The following ATXN7 variants were observed in gnomAD, a reference collection of about 807,000 sequenced individuals.
ATXN7 encodes ataxin 7.
A neutral mutation model predicts 70.5 loss-of-function variants in ATXN7; 12 were observed. The ratio of observed to expected loss-of-function variants is 0.17; its 90% CI spans 0.11 to 0.28. The LOEUF (loss-of-function observed/expected upper bound fraction) is 0.28, where lower values mean the gene tolerates loss of function less well. Ranked by LOEUF, ATXN7 falls within the 10% of genes least tolerant of loss-of-function variation. The pLI, the probability that ATXN7 is intolerant of heterozygous loss-of-function variation, is 1.00. For synonymous variants in ATXN7, 498 were observed against 448.7 expected (o/e 1.11, Z -1.39); for missense variants, 1,256 against 1,131.7 (o/e 1.11, Z -1.58).
chr3:63,968,076 G>C, intron 5 of ATXN7: 1 of 924,692 alleles, frequency 1.1e-6, no homozygotes, highest in Non-Finnish European at 1.6e-6. Context: ...ACCTTACATA[G>C]AACCAAGCAG....
chr3:63,985,263 C>G (rs1232680560), intron 8 of ATXN7, among the ~76,000 whole-genome samples: 1 of 152,026 alleles, frequency 6.6e-6, no homozygotes, highest in Non-Finnish European at 1.5e-5. Context: ...CTGCATTTTT[C>G]TCACATCTTC....
At chr3:63,956,662 C>G (rs1429039072) in intron 5 of ATXN7, among the ~76,000 whole-genome samples, 1 of 152,020 alleles carries the variant, frequency 6.6e-6, no homozygotes, top group Non-Finnish European at 1.5e-5. Context: ...CACTGGCTGG[C>G]TGGAATGCAT....
intron 1 of ATXN7, among the ~76,000 whole-genome samples, chr3:63,885,861 C>CA (rs1314099474): frequency 2.0e-5 from 3 of 151,928 alleles, no homozygotes; most frequent in Non-Finnish European, 2.9e-5. Flanking sequence ...ACTAAAAATA[C>CA]AAAAAATTAG....
At chr3:63,990,123 G>A in intron 9 of ATXN7, 53 bp from the exon 10 acceptor site, 1 of 1,561,818 alleles carries the variant, frequency 6.4e-7, no homozygotes, top group African/African-American at 1.4e-5. Flanking sequence ...CAGTTAAGGT[G>A]GCTGATTCCC....
intron 1 of ATXN7, among the ~76,000 whole-genome samples, chr3:63,891,943 C>T (rs1276126227): frequency 1.3e-5 from 2 of 152,160 alleles, no homozygotes; most frequent in African/African-American, 2.4e-5. Context: ...CTAGCCACTG[C>T]CCTTACTGTC....
chr3:63,958,742 G>T (rs1413926914), intron 5 of ATXN7, among the ~76,000 whole-genome samples: 2 of 152,120 alleles, frequency 1.3e-5, no homozygotes, highest in East Asian at 3.8e-4. Flanking sequence ...GATTTACAGA[G>T]AATTTTTGCA....
rs2075514814 is a variant in ATXN7 at position 63,982,975 on chromosome 3, T to C, written c.1049T>C (p.Ile350Thr). The change falls in exon 8 of 13, where the codon ATT (isoleucine) becomes ACT (threonine). Residue 350 changes from isoleucine to threonine, a missense_variant. By Grantham distance (89) the Ile-to-Thr change is moderately conservative. Transcript: ENST00000674280. Reference protein sequence around the residue: ...EFDPDIHCGVIDLDTKKPCTR... With the variant: ...EFDPDIHCGVTDLDTKKPCTR... ...GATCCTGACATCCACTGTGGGGTTATTGATCTCGACACCAAGAAGCCCTGC... is the reference window on the plus strand; with the variant it reads ...GATCCTGACATCCACTGTGGGGTTACTGATCTCGACACCAAGAAGCCCTGC... 12 of 1,614,010 alleles carry C rather than the reference T, an allele frequency of 7.4e-6. No homozygotes were observed. Among genetic ancestry groups the C allele is most frequent in the Non-Finnish European group, 1.0e-5 (12 of 1,180,024 alleles).
intron 3 of ATXN7, 21 bp from the exon 4 acceptor site, chr3:63,913,136 C>T: frequency 6.2e-7 from 1 of 1,611,644 alleles, no homozygotes; most frequent in Non-Finnish European, 8.5e-7. Flanking sequence ...TCCCCTCCTC[C>T]TGTGTGTGTA....
intron 12 of ATXN7, among the ~76,000 whole-genome samples, chr3:63,997,114 T>C (rs1576008131): frequency 6.6e-6 from 1 of 152,146 alleles, no homozygotes; most frequent in African/African-American, 2.4e-5. Flanking sequence ...GAAAATTAGC[T>C]GGGTGTGGTG....
Position 63,912,918 on chromosome 3 carries a change from A to G in ATXN7, c.320A>G (p.Lys107Arg). The change falls in exon 3 of 13, where the codon AAG (lysine) becomes AGG (arginine). Residue 107 changes from lysine to arginine, a missense_variant. Physicochemically the swap from Lys to Arg is conservative, Grantham distance 26 (BLOSUM62 2). Coordinates refer to ENST00000674280, the MANE Select transcript of ATXN7 (RefSeq NM_001377405.1). ...LWVEASKLPG[K>R]DGTELDESFK... is the part of the protein sequence containing the mutation. ...GTTGAGGCTTCCAAACTTCCTGGGA[A>G]GGACGGTGAGTGTCCACGCCCTCCT... is the stretch of plus-strand genomic sequence containing the variant. 6.2e-7 allele frequency: 1 copy of G among 1,602,018 alleles called. No individual in the cohort carries two copies. The highest frequency in any genetic ancestry group is 8.5e-7 in the Non-Finnish European group (1 of 1,172,670).
intron 2 of ATXN7, among the ~76,000 whole-genome samples, chr3:63,907,613 C>T (rs1703884381): frequency 6.6e-6 from 1 of 150,942 alleles, no homozygotes. Flanking sequence ...CACATGCCTG[C>T]ATGCCTGGCT....
intron 1 of ATXN7, among the ~76,000 whole-genome samples, chr3:63,873,444 T>C (rs1230010611): frequency 6.6e-6 from 1 of 152,148 alleles, no homozygotes; most frequent in Non-Finnish European, 1.5e-5. Context: ...CACTTTCTAC[T>C]GAGAGTATAT....
intron 4 of ATXN7, among the ~76,000 whole-genome samples, chr3:63,937,396 T>G (rs1203899831): frequency 6.6e-6 from 1 of 152,224 alleles, no homozygotes; most frequent in Non-Finnish European, 1.5e-5. Context: ...TTGAATGGTT[T>G]ATGCCTCAAA....
At chr3:63,906,844 G>T (rs966952444) in intron 2 of ATXN7, among the ~76,000 whole-genome samples, 3 of 152,212 alleles carry the variant, frequency 2.0e-5, no homozygotes, top group African/African-American at 7.2e-5. Context: ...TAGACTACCT[G>T]CAGGAGGCAA....
intron 1 of ATXN7, among the ~76,000 whole-genome samples, chr3:63,876,849 T>C (rs1702760184): frequency 6.6e-6 from 1 of 152,210 alleles, no homozygotes; most frequent in Non-Finnish European, 1.5e-5. Flanking sequence ...CTCTTAGCCA[T>C]ATAACTGCAT....
chr3:63,979,903 T>G lies in ATXN7; in HGVS notation c.500-12T>G. The G allele has an allele frequency of 6.2e-7, 1 of 1,612,138 alleles. No homozygotes were observed. The highest frequency in any genetic ancestry group is 8.5e-7 in the Non-Finnish European group (1 of 1,178,776). On this transcript the variant is annotated splice_polypyrimidine_tract_variant and intron_variant, in intron 5 of 12. Transcript: ENST00000674280. ...AAACATGATGTCTTTTTTTCTTTGC[T>G]TTCGTTTTCAGAAAGAAGACATAGC...
At chr3:63,885,835 G>A (rs1703069991) in intron 1 of ATXN7, among the ~76,000 whole-genome samples, 2 of 152,090 alleles carry the variant, frequency 1.3e-5, no homozygotes, top group Admixed American at 1.3e-4. Context: ...GGCCAACATG[G>A]TGCAACCCCA....
rs1050382750 is a variant in ATXN7, at chr3:63,995,537, C to T, written c.1715C>T (p.Pro572Leu). The part of the protein sequence containing the change: ...KIPPVPSTTS[P>L]ISTRIPHRTN... The stretch of plus-strand genomic sequence containing the variant: ...CCACCAGTGCCCAGTACCACCTCAC[C>T]CATCTCCACACGTATTCCTCACCGG... The change falls in exon 12 of 13, where the codon CCC (proline) becomes CTC (leucine). Residue 572 changes from proline (P) to leucine (L), a missense_variant. By Grantham distance (98) the Pro-to-Leu change is moderately conservative. Transcript: ENST00000674280. The T allele has an allele frequency of 5.6e-6, 9 of 1,614,130 alleles. No homozygotes were observed. The highest frequency in any genetic ancestry group is 7.6e-6 in the Non-Finnish European group (9 of 1,180,036).
At chr3:63,918,461 A>G (rs1422581194) in intron 4 of ATXN7, among the ~76,000 whole-genome samples, 3 of 152,198 alleles carry the variant, frequency 2.0e-5, no homozygotes, top group Admixed American at 6.5e-5. Flanking sequence ...TGAAACATAC[A>G]AAGTAGAGAA....
Sources: gnomAD v4.1 joint callset for allele counts (sites outside exome capture counted in the v4.1 genomes callset) on GRCh38, gnomAD v4.1.1 for gene constraint, MANE v1.5 for transcripts, NCBI Gene and HGNC (gene_info 2026-07-23, HGNC 2026-07-21) for gene names.